GPC5: variants seen among roughly 807,000 people sequenced by gnomAD.
GPC5 encodes glypican 5, also known as glypican-5.
GPC5 carries 47 observed loss-of-function variants against 53.9 expected under a neutral mutation model. The ratio of observed to expected loss-of-function variants is 0.87; its 90% CI spans 0.69 to 1.11. GPC5 has a LOEUF of 1.11. Ranked by LOEUF, GPC5 falls within the 50% of genes most tolerant of loss-of-function variation. The pLI is 0.00. For synonymous variants in GPC5, 286 were observed against 263.3 expected (o/e 1.09, Z -0.84); for missense variants, 748 against 713.1 (o/e 1.05, Z -0.56).
intron 7 of GPC5, among the ~76,000 whole-genome samples, chr13:92,459,244 T>C (rs758817854): frequency 6.6e-6 from 1 of 152,158 alleles, no homozygotes; most frequent in Non-Finnish European, 1.5e-5. Context: ...CCACATAATT[T>C]TGATAGCACA....
At chr13:91,707,962 AT>A (rs1483743767) in intron 3 of GPC5, among the ~76,000 whole-genome samples, 1 of 152,186 alleles carries the variant, frequency 6.6e-6, no homozygotes, top group African/African-American at 2.4e-5. Context: ...ATAATGGAAT[AT>A]TTTTTGGTAA....
intron 6 of GPC5, among the ~76,000 whole-genome samples, chr13:92,126,201 C>T (rs1200501031): frequency 6.6e-6 from 1 of 151,906 alleles, no homozygotes; most frequent in Non-Finnish European, 1.5e-5. Context: ...GATCCACCCG[C>T]CTTGGACTCC....
intron 7 of GPC5, among the ~76,000 whole-genome samples, chr13:92,620,253 T>A (rs541105915): frequency 6.6e-6 from 1 of 151,810 alleles, no homozygotes; most frequent in East Asian, 1.9e-4. Flanking sequence ...TTCAGAAAAA[T>A]ATCTAATACA....
intron 2 of GPC5, among the ~76,000 whole-genome samples, chr13:91,668,152 C>A (rs542579401): frequency 2.0e-5 from 3 of 152,276 alleles, no homozygotes; most frequent in African/African-American, 7.2e-5. Flanking sequence ...TCCTTTTCTG[C>A]ATGAACCTAT....
chr13:92,294,833 T>C (rs1453369772), intron 7 of GPC5, among the ~76,000 whole-genome samples: 5 of 130,760 alleles, frequency 3.8e-5, no homozygotes, highest in African/African-American at 5.5e-5. Flanking sequence ...TTTCTTTTTT[T>C]TTTTTTTTTT....
chr13:91,952,225 T>C (rs976053980), intron 6 of GPC5, among the ~76,000 whole-genome samples: 2 of 151,352 alleles, frequency 1.3e-5, no homozygotes, highest in Non-Finnish European at 2.9e-5. Flanking sequence ...TTGTGCATAC[T>C]TGTGCTCCAG....
At chr13:91,943,663 A>C (rs1046930424) in intron 6 of GPC5, among the ~76,000 whole-genome samples, 3 of 152,194 alleles carry the variant, frequency 2.0e-5, no homozygotes, top group African/African-American at 7.2e-5. Context: ...AGTTTCACTA[A>C]TACAAGTTTT....
intron 6 of GPC5, among the ~76,000 whole-genome samples, chr13:91,949,198 T>C (rs76727671): frequency 0.021 from 3,227 of 152,294 alleles, 101 homozygotes; most frequent in African/African-American, 0.074. Context: ...TGTAACCACC[T>C]ATTTAAGGTA....
chr13:91,730,037 C>T (rs1169714744), intron 4 of GPC5, among the ~76,000 whole-genome samples: 1 of 152,136 alleles, frequency 6.6e-6, no homozygotes, highest in Non-Finnish European at 1.5e-5. Flanking sequence ...TTTTGATGTC[C>T]CTGACCATCC....
chr13:91,504,875 G>C (rs1486843234), intron 2 of GPC5, among the ~76,000 whole-genome samples: 2 of 152,080 alleles, frequency 1.3e-5, no homozygotes, highest in African/African-American at 4.8e-5. Context: ...GATCGCTTGA[G>C]GTAAGGAGTT....
intron 5 of GPC5, among the ~76,000 whole-genome samples, chr13:91,806,607 G>A (rs2038226796): frequency 6.6e-6 from 1 of 152,034 alleles, no homozygotes; most frequent in African/African-American, 2.4e-5. Context: ...TACTGTGTTA[G>A]CACAATTTAC....
intron 6 of GPC5, among the ~76,000 whole-genome samples, chr13:92,113,778 T>C (rs1182351175): frequency 1.3e-5 from 2 of 151,338 alleles, no homozygotes; most frequent in Non-Finnish European, 2.9e-5. Context: ...AGGTTATTCT[T>C]GAGGAGACCA....
intron 6 of GPC5, among the ~76,000 whole-genome samples, chr13:92,031,330 G>A (rs2040839767): frequency 6.6e-6 from 1 of 152,068 alleles, no homozygotes; most frequent in African/African-American, 2.4e-5. Flanking sequence ...GGTCCAGACT[G>A]GAGGTCACAA....
At chr13:91,534,946 A>G (rs2138690040) in intron 2 of GPC5, among the ~76,000 whole-genome samples, 1 of 152,286 alleles carries the variant, frequency 6.6e-6, no homozygotes, top group South Asian at 2.1e-4. Flanking sequence ...CATTCTAAAT[A>G]TGTTAATTAT....
At chr13:92,643,791 T>C (rs1272717141) in intron 7 of GPC5, among the ~76,000 whole-genome samples, 5 of 150,690 alleles carry the variant, frequency 3.3e-5, no homozygotes, top group Non-Finnish European at 7.4e-5. Context: ...GACGAGTTAG[T>C]GGGTGCAGCG....
At chr13:91,875,729 A>C (rs2039195025) in intron 5 of GPC5, among the ~76,000 whole-genome samples, 1 of 152,208 alleles carries the variant, frequency 6.6e-6, no homozygotes, top group African/African-American at 2.4e-5. Context: ...CTTATTTTGA[A>C]ATAATTACAG....
At chr13:91,612,431 T>C (rs1449291981) in intron 2 of GPC5, among the ~76,000 whole-genome samples, 5 of 152,198 alleles carry the variant, frequency 3.3e-5, no homozygotes, top group Non-Finnish European at 7.3e-5. Context: ...CTCCTCACCT[T>C]TTAACATCAC....
chr13:92,474,160 T>TC (rs1172982832), intron 7 of GPC5, among the ~76,000 whole-genome samples: 2 of 142,392 alleles, frequency 1.4e-5, no homozygotes, highest in South Asian at 4.5e-4. Flanking sequence ...TTTTTTTTTT[T>TC]CCCACAATTC....
intron 1 of GPC5, among the ~76,000 whole-genome samples, chr13:91,422,704 T>A (rs941184395): frequency 2.0e-5 from 3 of 151,790 alleles, no homozygotes; most frequent in African/African-American, 7.3e-5. Flanking sequence ...AGGGGCTGCA[T>A]CTGGTGAGGG....
Sources: gnomAD v4.1 joint callset for allele counts (sites outside exome capture counted in the v4.1 genomes callset) on GRCh38, gnomAD v4.1.1 for gene constraint, MANE v1.5 for transcripts, NCBI Gene and HGNC (gene_info 2026-07-23, HGNC 2026-07-21) for gene names.